The following PHC3 variants were observed in gnomAD, a reference collection of about 807,000 sequenced individuals.
PHC3 encodes polyhomeotic-like protein 3.
A neutral mutation model predicts 107.4 loss-of-function variants in PHC3; 13 were observed. The observed-to-expected ratio is 0.12, with a 90% CI of 0.08 to 0.19. The LOEUF (loss-of-function observed/expected upper bound fraction) is 0.19, where lower values mean the gene tolerates loss of function less well. Among genes scored for constraint, PHC3 ranks in the 10% least tolerant of loss-of-function variants. The pLI is 1.00. For missense variants in PHC3, 992 were observed against 1,210.9 expected (o/e 0.82, Z 2.68); for synonymous variants, 456 against 427.4 (o/e 1.07, Z -0.83).
At chr3:170,115,366 A>AACATATAT (rs1718707569) in intron 10 of PHC3, among the ~76,000 whole-genome samples, 1 of 152,102 alleles carries the variant, frequency 6.6e-6, no homozygotes, top group Non-Finnish European at 1.5e-5. Flanking sequence ...ATGTATCTAT[A>AACATATAT]ACATATATAC....
intron 7 of PHC3, among the ~76,000 whole-genome samples, chr3:170,130,857 T>C (rs904823669): frequency 2.6e-5 from 4 of 152,150 alleles, no homozygotes; most frequent in Non-Finnish European, 5.9e-5. Context: ...AATTGCTTAA[T>C]GTTAATATCA....
intron 9 of PHC3, 99 bp from the exon 10 acceptor site, chr3:170,117,575 C>T: frequency 1.6e-6 from 2 of 1,219,716 alleles, no homozygotes; most frequent in Non-Finnish European, 2.2e-6. Flanking sequence ...CAGTTAATAT[C>T]TGGTACTTTC....
chr3:170,113,202 G>A (rs1305791824), intron 11 of PHC3, among the ~76,000 whole-genome samples, 158 bp downstream of exon 11: 3 of 152,202 alleles, frequency 2.0e-5, no homozygotes, highest in Non-Finnish European at 4.4e-5. Flanking sequence ...TTGAGAGTCT[G>A]ATTAGCTTTC....
intron 6 of PHC3, among the ~76,000 whole-genome samples, chr3:170,144,362 T>C (rs1482880094): frequency 6.6e-6 from 1 of 150,980 alleles, no homozygotes; most frequent in South Asian, 2.1e-4. Flanking sequence ...AAAAAGTATA[T>C]ATCAAAATTT....
Position 170,136,592 on chromosome 3 carries a change from G to C in PHC3, c.746C>G (p.Thr249Ser), listed in dbSNP as rs772172540. 6.2e-7 allele frequency: 1 copy of C among 1,613,796 alleles called. No homozygotes were observed. Among genetic ancestry groups the C allele is most frequent in the Non-Finnish European group, 8.5e-7 (1 of 1,179,814 alleles). ...SSSQNGPPKSTSQTQSLTICH... is the reference protein window; with the variant it reads ...SSSQNGPPKSSSQTQSLTICH... ...AATTGTCAATGACTGAGTTTGACTA[G>C]TGCTTTTTGGTGGACCATTCTGTGA... is the stretch of plus-strand genomic sequence containing the variant. Residue 249 changes from threonine to serine, a missense_variant, in exon 7 of 15, where the codon ACT becomes AGT. Transcript: ENST00000495893.
intron 9 of PHC3, among the ~76,000 whole-genome samples, chr3:170,118,256 A>G (rs373998596): frequency 1.2e-4 from 19 of 152,200 alleles, no homozygotes; most frequent in East Asian, 3.9e-4. Flanking sequence ...TTATTTATTT[A>G]TATGTTTTTT....
At chr3:170,113,280 C>G (rs767579249) in intron 11 of PHC3, 80 bp downstream of exon 11, 28 of 1,349,642 alleles carry the variant, frequency 2.1e-5, no homozygotes, top group Non-Finnish European at 2.8e-5. Context: ...AAATTCTGTA[C>G]AGAATAAAAA....
rs1356527331 is a variant in PHC3 at position 170,157,383 on chromosome 3, G to A, written c.415-8139C>T. Among the ~76,000 whole-genome samples, 10 of 152,216 alleles carry A rather than the reference G, an allele frequency of 6.6e-5. No homozygotes were observed. In the East Asian group the frequency reaches 1.7e-3, roughly 26 times the overall value. Reference sequence around the variant, plus strand: ...AACTAAGAAGACAGACGGACTGAAAGGGAAAAGAGGCTTTAGGGAACTTAA... The same window carrying A: ...AACTAAGAAGACAGACGGACTGAAAAGGAAAAGAGGCTTTAGGGAACTTAA... On this transcript the variant is annotated intron_variant, in intron 4 of 14. Transcript: ENST00000495893.
chr3:170,146,037 C>G (rs1724876734), intron 5 of PHC3, among the ~76,000 whole-genome samples: 1 of 152,184 alleles, frequency 6.6e-6, no homozygotes, highest in Non-Finnish European at 1.5e-5. Flanking sequence ...ATCTAAAGGA[C>G]AAATCCAGGT....
At chr3:170,172,535 T>A in intron 3 of PHC3, 22 bp downstream of exon 3, 1 of 1,604,432 alleles carries the variant, frequency 6.2e-7, no homozygotes, top group Non-Finnish European at 8.5e-7. Flanking sequence ...TTTGATCTCA[T>A]AAACTCTTAT....
chr3:170,124,684 C>G (rs748973768), intron 8 of PHC3, among the ~76,000 whole-genome samples: 4 of 152,180 alleles, frequency 2.6e-5, no homozygotes, highest in Non-Finnish European at 4.4e-5. Flanking sequence ...TGTTAACAAA[C>G]AAACTTTCAA....
chr3:170,137,159 C>T (rs1014597065), intron 6 of PHC3, among the ~76,000 whole-genome samples: 2 of 152,074 alleles, frequency 1.3e-5, no homozygotes, highest in African/African-American at 2.4e-5. Flanking sequence ...AATCATCTGC[C>T]CCATTGTGAA....
chr3:170,121,138 A>C (rs1030552872), intron 9 of PHC3, among the ~76,000 whole-genome samples: 1 of 152,188 alleles, frequency 6.6e-6, no homozygotes, highest in Admixed American at 6.5e-5. Context: ...TTTTGTTTTC[A>C]ATCATTCAGA....
At chr3:170,166,468 T>C (rs1378135630) in intron 4 of PHC3, among the ~76,000 whole-genome samples, 2 of 152,220 alleles carry the variant, frequency 1.3e-5, no homozygotes, top group Admixed American at 6.5e-5. Flanking sequence ...TGTAGACACA[T>C]ATACAGCATT....
chr3:170,128,917 T>C lies in PHC3; in HGVS notation c.1555A>G (p.Thr519Ala). 2 of 1,614,008 alleles carry C rather than the reference T, an allele frequency of 1.2e-6. No homozygotes were observed. The highest frequency in any genetic ancestry group is 1.7e-6 in the Non-Finnish European group (2 of 1,179,878). The change falls in exon 8 of 15, where the codon ACA becomes GCA. Residue 519 changes from threonine (T) to alanine (A), a missense_variant. Thr to Ala is a moderately conservative substitution (Grantham distance 58). Around this residue, in one of 6 missense-constraint regions of PHC3, gnomAD observed 543 missense variants for 590.8 expected, o/e 0.92. Transcript: ENST00000495893. ...GGTGGAATCTGAGCTGGAGGAGATG[T>C]CGACATCTGTGGAGGACTTGCAATT... ...IPIASPPQMS[T>A]SPPAQIPPLP...
At chr3:170,105,715 T>C (rs1716375266) in intron 12 of PHC3, among the ~76,000 whole-genome samples, 1 of 152,212 alleles carries the variant, frequency 6.6e-6, no homozygotes, top group African/African-American at 2.4e-5. Context: ...GTCATCCTAC[T>C]GAAGATCTTA....
At chr3:170,134,379 G>A (rs1231829348) in intron 7 of PHC3, among the ~76,000 whole-genome samples, 19 of 152,008 alleles carry the variant, frequency 1.2e-4, no homozygotes, top group East Asian at 5.8e-4. Context: ...TAGTAGAGAC[G>A]GGGTTTCACC....
intron 8 of PHC3, among the ~76,000 whole-genome samples, chr3:170,126,504 G>GTGTATA (rs1272456482): frequency 1.7e-5 from 2 of 117,306 alleles, no homozygotes; most frequent in East Asian, 5.1e-4. Context: ...TGCTCCATAT[G>GTGTATA]TATATATATA....
intron 11 of PHC3, among the ~76,000 whole-genome samples, chr3:170,110,034 T>C (rs1188982609): frequency 6.6e-6 from 1 of 152,184 alleles, no homozygotes; most frequent in African/African-American, 2.4e-5. Flanking sequence ...AAATATATTA[T>C]CTCTACATCT....
Sources: allele counts gnomAD v4.1 joint callset (sites outside exome capture counted in the v4.1 genomes callset), GRCh38; gene constraint gnomAD v4.1.1; regional missense constraint gnomAD v4.1.1; transcripts MANE v1.5; gene names NCBI Gene and HGNC (gene_info 2026-07-23, HGNC 2026-07-21).